Variants in TACR3 observed in about 807,000 individuals in gnomAD.
The protein encoded by TACR3 is tachykinin receptor 3.
Under a neutral mutation model 35.0 loss-of-function variants are expected in TACR3, and 34 were observed. That is an observed-to-expected ratio of 0.97 (90% CI 0.74 to 1.30). TACR3 has a LOEUF of 1.30. Among genes scored for constraint, TACR3 ranks in the 50% most tolerant of loss-of-function variants. TACR3 has a pLI of 0.00. For synonymous variants in TACR3, 233 were observed against 221.1 expected (o/e 1.05, Z -0.48); for missense variants, 558 against 591.7 (o/e 0.94, Z 0.59).
chr4:103,703,799 T>C (rs1329615701), intron 1 of TACR3, among the ~76,000 whole-genome samples: 1 of 151,874 alleles, frequency 6.6e-6, no homozygotes, highest in Non-Finnish European at 1.5e-5. Context: ...ACTTTGGGTA[T>C]TAAGAAATTG....
chr4:103,642,134 C>T (rs1235462058), intron 3 of TACR3, among the ~76,000 whole-genome samples: 2 of 150,800 alleles, frequency 1.3e-5, no homozygotes, highest in African/African-American at 2.4e-5. Flanking sequence ...GTTCTCACAA[C>T]AAAAAAAGAT....
At chr4:103,621,234 C>T (rs910860513) in intron 3 of TACR3, among the ~76,000 whole-genome samples, 1 of 152,052 alleles carries the variant, frequency 6.6e-6, no homozygotes. Flanking sequence ...GTCTTCTGAT[C>T]ACAGAAAATA....
intron 3 of TACR3, among the ~76,000 whole-genome samples, chr4:103,629,792 T>C (rs1725004494): frequency 6.8e-6 from 1 of 146,250 alleles, no homozygotes; most frequent in African/African-American, 2.6e-5. Flanking sequence ...ATAAACTACT[T>C]TATAGTTCAT....
intron 1 of TACR3, among the ~76,000 whole-genome samples, chr4:103,701,499 C>T (rs1003334723): frequency 3.3e-5 from 5 of 152,074 alleles, no homozygotes; most frequent in Non-Finnish European, 7.4e-5. Context: ...GATTCAATGC[C>T]ATCCCCATCA....
At chr4:103,707,130 C>G (rs946664508) in intron 1 of TACR3, among the ~76,000 whole-genome samples, 3 of 152,198 alleles carry the variant, frequency 2.0e-5, no homozygotes, top group Non-Finnish European at 2.9e-5. Flanking sequence ...GCATTTATGA[C>G]AGTGTATTTG....
At chr4:103,689,316 G>T (rs1365749443) in intron 1 of TACR3, among the ~76,000 whole-genome samples, 1 of 151,144 alleles carries the variant, frequency 6.6e-6, no homozygotes, top group African/African-American at 2.4e-5. Flanking sequence ...CGAGTTAGTG[G>T]GTGCAGCGCA....
chr4:103,683,364 A>G (rs553369209), intron 1 of TACR3, among the ~76,000 whole-genome samples: 1 of 151,558 alleles, frequency 6.6e-6, no homozygotes. Flanking sequence ...AAGAGAGGAA[A>G]TCAATACAAG....
chr4:103,686,846 A>T (rs974233275), intron 1 of TACR3, among the ~76,000 whole-genome samples: 1 of 152,156 alleles, frequency 6.6e-6, no homozygotes, highest in Non-Finnish European at 1.5e-5. Flanking sequence ...ATTCCTTCTG[A>T]AACTATTCCA....
chr4:103,633,001 A>T (rs1162286583), intron 3 of TACR3, among the ~76,000 whole-genome samples: 1 of 151,942 alleles, frequency 6.6e-6, no homozygotes, highest in Non-Finnish European at 1.5e-5. Flanking sequence ...AAAGATTAAA[A>T]AGTGTTAGTA....
chr4:103,614,704 C>T (rs1724593849), intron 3 of TACR3, among the ~76,000 whole-genome samples: 1 of 151,362 alleles, frequency 6.6e-6, no homozygotes, highest in African/African-American at 2.4e-5. Context: ...ACTCATCACT[C>T]AGGGGATTAT....
intron 3 of TACR3, among the ~76,000 whole-genome samples, chr4:103,609,001 A>G (rs1724451267): frequency 6.6e-6 from 1 of 152,122 alleles, no homozygotes; most frequent in East Asian, 1.9e-4. Context: ...ATGAGGAATT[A>G]ATTTGATTAG....
chr4:103,592,291 T>A (rs1228239592), intron 3 of TACR3, among the ~76,000 whole-genome samples: 3 of 152,180 alleles, frequency 2.0e-5, no homozygotes, highest in Non-Finnish European at 4.4e-5. Flanking sequence ...GTGAGGAAAA[T>A]ACTAACTTGA....
At chr4:103,615,396 TGTGAGAGAGAGAGAGAGA>T (rs1724627778) in intron 3 of TACR3, among the ~76,000 whole-genome samples, 1 of 122,562 alleles carries the variant, frequency 8.2e-6, no homozygotes. Flanking sequence ...TGTGTGTGTG[TGTGAGAGAGAGAGAGAGA>T]GAGAGAGAGA....
At chr4:103,711,295 T>C (rs1030351441) in intron 1 of TACR3, among the ~76,000 whole-genome samples, 9 of 152,138 alleles carry the variant, frequency 5.9e-5, no homozygotes, top group Non-Finnish European at 1.3e-4. Flanking sequence ...TTATCCACCA[T>C]GATCAAGTGG....
At chr4:103,695,607 C>T (rs771222260) in intron 1 of TACR3, among the ~76,000 whole-genome samples, 6 of 151,794 alleles carry the variant, frequency 4.0e-5, no homozygotes, top group African/African-American at 7.3e-5. Context: ...AGTAAAGTTT[C>T]GTGGGGTTCA....
chr4:103,691,668 C>G (rs191347327), intron 1 of TACR3, among the ~76,000 whole-genome samples: 77 of 152,232 alleles, frequency 5.1e-4, no homozygotes, highest in Admixed American at 3.8e-3. Flanking sequence ...CATAATGGCC[C>G]TAATGCCCAA....
intron 3 of TACR3, among the ~76,000 whole-genome samples, chr4:103,646,972 T>G (rs1725472200): frequency 6.6e-6 from 1 of 151,926 alleles, no homozygotes; most frequent in Non-Finnish European, 1.5e-5. Flanking sequence ...TTACCAAATA[T>G]CCTAAATATG....
intron 3 of TACR3, among the ~76,000 whole-genome samples, chr4:103,610,625 T>C (rs1724492365): frequency 6.6e-6 from 1 of 152,124 alleles, no homozygotes; most frequent in African/African-American, 2.4e-5. Flanking sequence ...AAAAGCTTTT[T>C]AGTTTGTCAT....
At chr4:103,673,968 TTATAAGAGAA>T (rs765407527) in intron 1 of TACR3, among the ~76,000 whole-genome samples, 20 of 152,230 alleles carry the variant, frequency 1.3e-4, no homozygotes, top group Non-Finnish European at 2.8e-4. Context: ...ATTTCATTTT[TTATAAGAGAA>T]TGAGGTTTTA....
Sources: allele counts gnomAD v4.1 joint callset (sites outside exome capture counted in the v4.1 genomes callset), GRCh38; gene constraint gnomAD v4.1.1; transcripts MANE v1.5; gene names NCBI Gene and HGNC (gene_info 2026-07-23, HGNC 2026-07-21).